ADAM12: variants seen among roughly 807,000 people sequenced by gnomAD.
ADAM12 encodes the protein ADAM metallopeptidase domain 12, also known as disintegrin and metalloproteinase domain-containing protein 12.
ADAM12 carries 70 observed loss-of-function variants against 106.4 expected under a neutral mutation model. The observed-to-expected ratio is 0.66, with a 90% CI of 0.54 to 0.80. The LOEUF (loss-of-function observed/expected upper bound fraction) is 0.80, where lower values mean the gene tolerates loss of function less well. Ranked by LOEUF, ADAM12 falls within the 30% of genes least tolerant of loss-of-function variation. The pLI is 0.00. For synonymous variants in ADAM12, 420 were observed against 433.5 expected (o/e 0.97, Z 0.39); for missense variants, 1,010 against 1,171.9 (o/e 0.86, Z 2.02).
At chr10:126,340,445 G>A (rs1854883788) in intron 1 of ADAM12, among the ~76,000 whole-genome samples, 1 of 152,148 alleles carries the variant, frequency 6.6e-6, no homozygotes, top group South Asian at 2.1e-4. Context: ...TGAAACTGAG[G>A]CACAGAAGTT....
At chr10:126,077,790 C>T (rs1955131258) in intron 11 of ADAM12, among the ~76,000 whole-genome samples, 1 of 152,054 alleles carries the variant, frequency 6.6e-6, no homozygotes, top group Admixed American at 6.6e-5. Context: ...ATAAGAACTC[C>T]AAACCCTTAT....
At chr10:126,031,768 A>G (rs1027807398) in intron 21 of ADAM12, among the ~76,000 whole-genome samples, 2 of 152,184 alleles carry the variant, frequency 1.3e-5, no homozygotes, top group Non-Finnish European at 2.9e-5. Context: ...GATTAGGAGA[A>G]ATGTTGTGTT....
At chr10:126,322,595 C>T (rs140921220) in intron 2 of ADAM12, among the ~76,000 whole-genome samples, 85 of 152,292 alleles carry the variant, frequency 5.6e-4, no homozygotes, top group African/African-American at 1.9e-3. Flanking sequence ...GATAGGAGGA[C>T]CCGGTGAGGG....
chr10:126,143,620 C>A lies in ADAM12; in HGVS notation c.340-7960G>T, dbSNP rs1209905455. Among the ~76,000 whole-genome samples, 4 of 114,514 alleles carry A rather than the reference C, an allele frequency of 3.5e-5. No individual in the cohort carries two copies. In the East Asian group the frequency reaches 7.2e-4, roughly 21 times the overall value. The allele number at this position is 114,514 out of a possible 152,430, so 75.1% of individuals were successfully genotyped here. ...ATGTATCTGTATGTATATGGGGGTG[C>A]GTGGGTGTGTGTATACACGTATGTG... On this transcript the variant is annotated intron_variant, in intron 4 of 22. Transcript: ENST00000448723.
chr10:126,177,058 G>A (rs80116789), intron 3 of ADAM12, among the ~76,000 whole-genome samples: 1,369 of 117,540 alleles, frequency 0.012, 15 homozygotes, highest in African/African-American at 0.037. Context: ...ACACACACAC[G>A]CACACACACA....
intron 3 of ADAM12, among the ~76,000 whole-genome samples, chr10:126,257,229 G>A (rs1035235928): frequency 1.1e-4 from 17 of 152,190 alleles, no homozygotes; most frequent in Non-Finnish European, 1.9e-4. Flanking sequence ...AGACAGTACC[G>A]GGAAGGAATG....
At chr10:126,264,100 C>T (rs1348469757) in intron 3 of ADAM12, among the ~76,000 whole-genome samples, 2 of 152,092 alleles carry the variant, frequency 1.3e-5, no homozygotes, top group East Asian at 1.9e-4. Context: ...TATGAATGTA[C>T]AATACCATCA....
intron 2 of ADAM12, among the ~76,000 whole-genome samples, chr10:126,312,261 G>C (rs1312525881): frequency 6.6e-6 from 1 of 152,072 alleles, no homozygotes; most frequent in East Asian, 1.9e-4. Flanking sequence ...ACCCATGGCA[G>C]AGCACCAGCG....
Position 126,066,798 on chromosome 10 carries a change from C to G in ADAM12, c.1332G>C (p.Met444Ile). The change falls in exon 13 of 23, where the codon ATG (methionine) becomes ATC (isoleucine). Residue 444 changes from methionine to isoleucine, a missense_variant. Around this residue, in one of 3 missense-constraint regions of ADAM12, gnomAD observed 615 missense variants for 708.5 expected, o/e 0.87. Transcript: ENST00000448723. The surrounding 1 kb of genome is among the most constrained non-coding windows in gnomAD (Gnocchi z 5.1). ...ECDCGEPEEC[M>I]NRCCNATTCT... ...AGGTGGTGGCATTGCAGCAGCGATTCATACATTCCTGGAAAGGGGAATGGC... is the reference window on the plus strand; with the variant it reads ...AGGTGGTGGCATTGCAGCAGCGATTGATACATTCCTGGAAAGGGGAATGGC... 6.2e-7 allele frequency: 1 copy of G among 1,614,062 alleles called. No homozygotes were observed. Among genetic ancestry groups the G allele is most frequent in the South Asian group, 1.1e-5 (1 of 91,066 alleles).
chr10:126,022,892 T>C (rs1305715536), intron 21 of ADAM12, among the ~76,000 whole-genome samples: 1 of 152,264 alleles, frequency 6.6e-6, no homozygotes, highest in Non-Finnish European at 1.5e-5. Context: ...TCCATTCTTC[T>C]ATATTCTGCT....
Position 126,066,645 on chromosome 10 carries a change from G to T in ADAM12, c.1413+72C>A. On this transcript the variant is annotated intron_variant, in intron 13 of 22. Transcript: ENST00000448723. The surrounding 1 kb of genome is among the most constrained non-coding windows in gnomAD (Gnocchi z 5.1). Reference sequence around the variant, plus strand: ...GGGAAACCTTCCAGCCACACTGCTTGCCCTGCATCAGATCTGAACCACCTG... The same window carrying T: ...GGGAAACCTTCCAGCCACACTGCTTTCCCTGCATCAGATCTGAACCACCTG... 1 of 1,432,038 alleles carries T rather than the reference G, an allele frequency of 7.0e-7. No individual in the cohort carries two copies. Among genetic ancestry groups the T allele is most frequent in the Non-Finnish European group, 9.8e-7 (1 of 1,016,306 alleles). The allele number at this position is 1,432,038 out of a possible 1,614,324, so 88.7% of individuals were successfully genotyped here.
rs557870860 is a variant in ADAM12, at chr10:126,149,680, C to T, written c.339+5547G>A. Among the ~76,000 whole-genome samples, 5 of 152,276 alleles carry T rather than the reference C, an allele frequency of 3.3e-5. No individual in the cohort carries two copies. In the South Asian group the frequency reaches 8.3e-4, roughly 25 times the overall value. On this transcript the variant is annotated intron_variant, in intron 4 of 22. Coordinates refer to ENST00000448723, the MANE Select transcript of ADAM12 (RefSeq NM_001288973.2). Reference sequence around the variant, plus strand: ...AGTTTTCTGGCCTTTACCTTTCTCCCGTGCTGAATGTTTCCTGCCCTTGAA... The same window carrying T: ...AGTTTTCTGGCCTTTACCTTTCTCCTGTGCTGAATGTTTCCTGCCCTTGAA...
chr10:126,344,378 C>CT (rs1855056097), intron 1 of ADAM12, among the ~76,000 whole-genome samples: 1 of 152,082 alleles, frequency 6.6e-6, no homozygotes, highest in African/African-American at 2.4e-5. Flanking sequence ...TTCCATTGGT[C>CT]TTTATCTCTG....
At chr10:126,252,294 G>T (rs568651354) in intron 3 of ADAM12, among the ~76,000 whole-genome samples, 5 of 152,040 alleles carry the variant, frequency 3.3e-5, no homozygotes, top group African/African-American at 1.2e-4. Flanking sequence ...TAGATGGATG[G>T]AATGGATGGG....
At chr10:126,295,548 T>TACACACACACATACAC (rs1555007158) in intron 2 of ADAM12, among the ~76,000 whole-genome samples, 2 of 146,532 alleles carry the variant, frequency 1.4e-5, no homozygotes, top group Non-Finnish European at 3.0e-5. Context: ...CACACACACA[T>TACACACACACATACAC]ACACACACAC....
intron 3 of ADAM12, among the ~76,000 whole-genome samples, chr10:126,190,420 G>A (rs1957478316): frequency 6.6e-6 from 1 of 151,966 alleles, no homozygotes; most frequent in Non-Finnish European, 1.5e-5. Flanking sequence ...TGGCCAGGCT[G>A]GTCTCAAACT....
intron 3 of ADAM12, among the ~76,000 whole-genome samples, chr10:126,218,368 G>A (rs1318835810): frequency 3.3e-5 from 5 of 152,176 alleles, no homozygotes; most frequent in African/African-American, 4.8e-5. Flanking sequence ...GTATTCTTAT[G>A]CCCATTTTGC....
intron 11 of ADAM12, among the ~76,000 whole-genome samples, chr10:126,076,829 G>A (rs527933589): frequency 6.6e-6 from 1 of 152,120 alleles, no homozygotes; most frequent in Admixed American, 6.5e-5. Flanking sequence ...TTCTTTGGCT[G>A]TGCAGAAGCT....
intron 2 of ADAM12, among the ~76,000 whole-genome samples, chr10:126,304,791 T>C (rs1234176256): frequency 6.6e-6 from 1 of 151,484 alleles, no homozygotes; most frequent in Non-Finnish European, 1.5e-5. Context: ...TCTGAACGTT[T>C]ACAAAAAAAA....
Sources: allele counts gnomAD v4.1 joint callset (sites outside exome capture counted in the v4.1 genomes callset), GRCh38; gene constraint gnomAD v4.1.1; regional missense constraint gnomAD v4.1.1; non-coding constraint Gnocchi (gnomAD v3.1); transcripts MANE v1.5; gene names NCBI Gene and HGNC (gene_info 2026-07-23, HGNC 2026-07-21).